ENO1: variants seen among roughly 807,000 people sequenced by gnomAD.
The protein encoded by ENO1 is enolase 1, also known as alpha-enolase.
ENO1 carries 33 observed loss-of-function variants against 46.3 expected under a neutral mutation model. The observed-to-expected ratio is 0.71, with a 90% CI of 0.54 to 0.95. The LOEUF (loss-of-function observed/expected upper bound fraction) is 0.95. Ranked by LOEUF, ENO1 falls within the 40% of genes least tolerant of loss-of-function variation. ENO1 has a pLI of 0.00. For missense variants in ENO1, 488 were observed against 553.3 expected (o/e 0.88, Z 1.18); for synonymous variants, 220 against 216.0 (o/e 1.02, Z -0.16).
Position 8,870,882 on chromosome 1 carries a change from G to A in ENO1, c.182-372C>T, listed in dbSNP as rs3737148. ...TAATATACTTAATGGGTCTGGAGAC[G>A]CCTGCCCAGCAGAGGATGAAGAAGG... is the stretch of plus-strand genomic sequence containing the variant. On this transcript the variant is annotated intron_variant, in intron 3 of 11. Transcript: ENST00000234590. The A allele has an allele frequency of 8.7e-4, 1,104 of 1,262,388 alleles. 23 individuals carry two copies. In the East Asian group the frequency reaches 0.029, roughly 33 times the overall value. 78.2% of individuals were successfully genotyped at this position (1,262,388 alleles called of 1,614,324 possible). A position where few individuals can be genotyped will look rare whatever the true frequency, so the allele number is the denominator to read the frequency against.
intron 3 of ENO1, chr1:8,871,398 C>A (rs1642630166): frequency 2.0e-6 from 2 of 995,082 alleles, no homozygotes; most frequent in South Asian, 4.5e-5. Context: ...TGCCACAGAG[C>A]AGGGCTCCTA....
chr1:8,876,183 T>G (rs1486614034), intron 1 of ENO1: 1 of 152,170 alleles, frequency 6.6e-6, no homozygotes, highest in Non-Finnish European at 1.5e-5. Context: ...ACTTAGTGTT[T>G]AAAGCCATTA....
chr1:8,878,549 G>A (rs1642785518), intron 1 of ENO1, 31 bp downstream of exon 1: 1 of 453,944 alleles, frequency 2.2e-6, no homozygotes, highest in Admixed American at 2.4e-5. Flanking sequence ...TGCGCCGCCT[G>A]CCCGTTGCTC....
intron 3 of ENO1, 34 bp downstream of exon 3, chr1:8,871,857 A>C: frequency 6.2e-7 from 1 of 1,604,206 alleles, no homozygotes; most frequent in Non-Finnish European, 8.5e-7. Context: ...GGCTGGAAGC[A>C]GGGAGGCCAT....
chr1:8,874,705 G>A (rs1642701630), intron 2 of ENO1, 119 bp downstream of exon 2: 1 of 842,792 alleles, frequency 1.2e-6, no homozygotes, highest in Non-Finnish European at 1.9e-6. Flanking sequence ...ACTAGCATGT[G>A]CAGACAGAAA....
intron 4 of ENO1, 41 bp downstream of exon 4, chr1:8,870,411 G>T: frequency 6.2e-7 from 1 of 1,613,538 alleles, no homozygotes; most frequent in Non-Finnish European, 8.5e-7. Context: ...GAGACGCTCT[G>T]GTGGCATTAG....
intron 9 of ENO1, 44 bp downstream of exon 9, chr1:8,863,847 A>C (rs1328840108): frequency 6.2e-7 from 1 of 1,607,374 alleles, no homozygotes; most frequent in Non-Finnish European, 8.5e-7. Context: ...TCTGATTCAC[A>C]AGCCGTAGCT....
intron 1 of ENO1, among the ~76,000 whole-genome samples, chr1:8,875,394 G>A (rs576116535): frequency 1.3e-5 from 2 of 152,202 alleles, no homozygotes; most frequent in South Asian, 4.1e-4. Context: ...TGTGTTGCTC[G>A]ACGCAGAGTG....
intron 4 of ENO1, 98 bp downstream of exon 4, chr1:8,870,354 G>T: frequency 6.8e-7 from 1 of 1,476,294 alleles, no homozygotes; most frequent in Non-Finnish European, 9.4e-7. Context: ...GGCTTCTACA[G>T]CTCTCAGAAT....
At chr1:8,869,990 A>G (rs1016134545) in intron 4 of ENO1, among the ~76,000 whole-genome samples, 29 of 152,372 alleles carry the variant, frequency 1.9e-4, no homozygotes, top group African/African-American at 6.7e-4. Flanking sequence ...CTGGGTCCCC[A>G]GCCCTACTTC....
intron 4 of ENO1, among the ~76,000 whole-genome samples, chr1:8,868,324 G>C (rs1642566054): frequency 6.6e-6 from 1 of 152,086 alleles, no homozygotes; most frequent in South Asian, 2.1e-4. Context: ...AAGGTTAATA[G>C]TCTACCCAGG....
chr1:8,862,251 C>A (rs1642419549), intron 11 of ENO1, among the ~76,000 whole-genome samples: 1 of 152,192 alleles, frequency 6.6e-6, no homozygotes, highest in Admixed American at 6.5e-5. Context: ...CATGGCAAGA[C>A]CCTGTCTCAA....
At position 8,870,747 on chromosome 1, in the gene ENO1, C is replaced by G. The variant is rs754173571; in HGVS notation, c.182-237G>C. On this transcript the variant is annotated intron_variant, in intron 3 of 11. Transcript: ENST00000234590. ...ACACAAAACAGCAGCTGGCTCAGAA[C>G]GATCTGACTGGAGGTTAGTTTGCAA... The G allele has an allele frequency of 2.1e-6, 3 of 1,425,066 alleles. No individual in the cohort carries two copies. In the East Asian group the frequency reaches 7.5e-5, roughly 36 times the overall value. The allele number at this position is 1,425,066 out of a possible 1,614,324, so 88.3% of individuals were successfully genotyped here.
At chr1:8,875,759 A>C (rs1025084462) in intron 1 of ENO1, 3 of 152,240 alleles carry the variant, frequency 2.0e-5, no homozygotes, top group Non-Finnish European at 4.4e-5. Flanking sequence ...TATGTCATTA[A>C]TGATAACATC....
chr1:8,870,240 C>A, intron 4 of ENO1: 1 of 582,450 alleles, frequency 1.7e-6, no homozygotes, highest in Non-Finnish European at 3.0e-6. Flanking sequence ...GTGTCTCATT[C>A]TTCTGATGCA....
chr1:8,863,361 A>G lies in ENO1; in HGVS notation c.1068-18T>C. The G allele has an allele frequency of 2.5e-6, 4 of 1,606,478 alleles. No individual in the cohort carries two copies. Among genetic ancestry groups the G allele is most frequent in the African/African-American group, 1.3e-5 (1 of 74,642 alleles). On this transcript the variant is annotated intron_variant, in intron 9 of 11. Transcript: ENST00000234590. ...GCTTGCACCTGGAAGCCAAGGAACA[A>G]CCCAGATGGCATGATCCCATTTTCT...
At chr1:8,878,476 C>A in intron 1 of ENO1, 104 bp downstream of exon 1, 1 of 381,510 alleles carries the variant, frequency 2.6e-6, no homozygotes, top group South Asian at 1.9e-5. Context: ...CCCCGCCACG[C>A]TGGGCCTGCG....
intron 4 of ENO1, 146 bp from the exon 5 acceptor site, chr1:8,868,203 CA>C: frequency 1.4e-6 from 1 of 696,468 alleles, no homozygotes. Context: ...AAGTGGAGGA[CA>C]AAAATCAGTG....
chr1:8,870,544 T>C (rs753440595), intron 3 of ENO1, 34 bp from the exon 4 acceptor site: 1 of 1,613,890 alleles, frequency 6.2e-7, no homozygotes, highest in Non-Finnish European at 8.5e-7. Context: ...TTACTGACAT[T>C]AACTTTAAAA....
Sources: allele counts gnomAD v4.1 joint callset (sites outside exome capture counted in the v4.1 genomes callset), GRCh38; gene constraint gnomAD v4.1.1; transcripts MANE v1.5; gene names NCBI Gene and HGNC (gene_info 2026-07-23, HGNC 2026-07-21).